The following DOK5 variants were observed in gnomAD, a reference collection of about 807,000 sequenced individuals.
DOK5 encodes docking protein 5.
Under a neutral mutation model 43.3 loss-of-function variants are expected in DOK5, and 27 were observed. That is an observed-to-expected ratio of 0.62 (90% CI 0.46 to 0.86). The LOEUF (loss-of-function observed/expected upper bound fraction) is 0.86, where lower values mean the gene tolerates loss of function less well. Ranked by LOEUF, DOK5 falls within the 40% of genes least tolerant of loss-of-function variation. The pLI is 0.00. For synonymous variants in DOK5, 146 were observed against 140.1 expected, an observed-to-expected ratio of 1.04 and a Z score of -0.30; for missense variants, 373 against 392.9, an observed-to-expected ratio of 0.95 and a Z score of 0.43.
chr20:54,620,491 T>C (rs1329650228), intron 6 of DOK5, among the ~76,000 whole-genome samples: 1 of 152,138 alleles, frequency 6.6e-6, no homozygotes, highest in East Asian at 1.9e-4. Flanking sequence ...TGCCAGCCTC[T>C]GCCTCCCAAA....
intron 6 of DOK5, among the ~76,000 whole-genome samples, chr20:54,616,136 A>G (rs911650543): frequency 6.6e-6 from 1 of 152,226 alleles, no homozygotes. Context: ...TCTGCTCTGT[A>G]ACAGACAATG....
At chr20:54,491,672 G>A (rs961870775) in intron 1 of DOK5, among the ~76,000 whole-genome samples, 1 of 152,180 alleles carries the variant, frequency 6.6e-6, no homozygotes, top group Non-Finnish European at 1.5e-5. Context: ...CTCTGCACAG[G>A]AAGGGTGACT....
chr20:54,505,967 A>T (rs1982789870), intron 1 of DOK5, among the ~76,000 whole-genome samples: 1 of 152,164 alleles, frequency 6.6e-6, no homozygotes, highest in African/African-American at 2.4e-5. Flanking sequence ...TCTTCATGGG[A>T]AGGAAGGCAC....
At chr20:54,604,131 A>T (rs970982594) in intron 5 of DOK5, among the ~76,000 whole-genome samples, 17 of 151,582 alleles carry the variant, frequency 1.1e-4, no homozygotes, top group Non-Finnish European at 2.1e-4. Context: ...CATTTTGAGT[A>T]GAGACGGGGT....
chr20:54,611,625 GA>G (rs749128461), intron 6 of DOK5, among the ~76,000 whole-genome samples: 9 of 152,250 alleles, frequency 5.9e-5, no homozygotes, highest in Non-Finnish European at 1.0e-4. Flanking sequence ...GTAAATTCAT[GA>G]AATCATAAAT....
At position 54,591,598 on chromosome 20, in the gene DOK5, C is replaced by T. The variant is rs770586654; in HGVS notation, c.410-18C>T. 1 of 1,545,586 alleles carries T rather than the reference C, an allele frequency of 6.5e-7. No individual in the cohort carries two copies. On this transcript the variant is annotated intron_variant, in intron 4 of 7. Coordinates refer to ENST00000262593, the MANE Select transcript of DOK5 (RefSeq NM_018431.5). ...TTATTCCTGGGGATTTTAGACTAAC[C>T]TTTTGTTTTTCTCCCAGAGAGATTC...
intron 6 of DOK5, 40 bp from the exon 7 acceptor site, chr20:54,643,418 C>T (rs772297128): frequency 1.2e-6 from 2 of 1,608,236 alleles, no homozygotes; most frequent in Non-Finnish European, 1.7e-6. Context: ...CTTTCGGCCC[C>T]AGTGTTGCTG....
At chr20:54,574,160 G>A (rs1600711427) in intron 2 of DOK5, among the ~76,000 whole-genome samples, 1 of 152,152 alleles carries the variant, frequency 6.6e-6, no homozygotes, top group African/African-American at 2.4e-5. Flanking sequence ...GCTGCCTGGG[G>A]AGGTTTTGAA....
intron 1 of DOK5, among the ~76,000 whole-genome samples, chr20:54,504,353 TA>T (rs1441248963): frequency 2.0e-5 from 3 of 152,152 alleles, no homozygotes; most frequent in African/African-American, 7.2e-5. Flanking sequence ...TAACTAAAAA[TA>T]AATACAATGA....
At chr20:54,479,538 C>G (rs890088272) in intron 1 of DOK5, among the ~76,000 whole-genome samples, 2 of 152,206 alleles carry the variant, frequency 1.3e-5, no homozygotes, top group Non-Finnish European at 2.9e-5. Flanking sequence ...ATTCTCACTT[C>G]GTTTCTTTCC....
intron 2 of DOK5, among the ~76,000 whole-genome samples, chr20:54,568,656 C>T (rs57406127): frequency 0.016 from 2,483 of 152,080 alleles, 58 homozygotes; most frequent in African/African-American, 0.057. Flanking sequence ...TCTGGCTGGG[C>T]GCAGTGGCTC....
intron 1 of DOK5, among the ~76,000 whole-genome samples, chr20:54,489,505 T>C (rs1056404480): frequency 6.6e-6 from 1 of 152,186 alleles, no homozygotes; most frequent in African/African-American, 2.4e-5. Flanking sequence ...TGATATATCA[T>C]AGTTTTGAAT....
intron 2 of DOK5, among the ~76,000 whole-genome samples, chr20:54,576,458 A>G (rs1283504703): frequency 2.0e-5 from 3 of 152,180 alleles, no homozygotes; most frequent in Non-Finnish European, 4.4e-5. Context: ...TTTTTAAAAG[A>G]AGGAATAATC....
At chr20:54,491,939 A>G (rs1982192767) in intron 1 of DOK5, among the ~76,000 whole-genome samples, 1 of 152,132 alleles carries the variant, frequency 6.6e-6, no homozygotes, top group South Asian at 2.1e-4. Flanking sequence ...AGAAAGAGAG[A>G]AAAAGAGAGA....
At chr20:54,494,473 T>G (rs1407846757) in intron 1 of DOK5, among the ~76,000 whole-genome samples, 1 of 152,322 alleles carries the variant, frequency 6.6e-6, no homozygotes, top group Non-Finnish European at 1.5e-5. Flanking sequence ...TCTTAATGAC[T>G]GAAGCATTCC....
At chr20:54,523,073 TG>T (rs1983467402) in intron 1 of DOK5, among the ~76,000 whole-genome samples, 1 of 152,144 alleles carries the variant, frequency 6.6e-6, no homozygotes, top group African/African-American at 2.4e-5. Context: ...GCTGAATGAA[TG>T]AATGATAGCT....
intron 7 of DOK5, among the ~76,000 whole-genome samples, chr20:54,645,990 C>T (rs1488625289): frequency 2.2e-5 from 3 of 133,790 alleles, no homozygotes; most frequent in East Asian, 2.2e-4. Context: ...GCTGAGCAAA[C>T]GACTGAATTA....
chr20:54,591,697 T>C lies in DOK5; in HGVS notation c.491T>C (p.Ile164Thr). 1 of 1,614,232 alleles carries C rather than the reference T, an allele frequency of 6.2e-7. No homozygotes were observed. Among genetic ancestry groups the C allele is most frequent in the Non-Finnish European group, 8.5e-7 (1 of 1,180,026 alleles). ...ECALQITYEY[I>T]CLWDVQNPRV... ...GCCTTGCAGATTACATATGAGTATA[T>C]CTGTCTTTGGGACGTCCAGAATCCC... Residue 164 changes from isoleucine to threonine, a missense_variant, in exon 5 of 8, where the codon ATC (isoleucine) becomes ACC (threonine). By Grantham distance (89) the Ile-to-Thr change is moderately conservative. Transcript: ENST00000262593.
intron 1 of DOK5, among the ~76,000 whole-genome samples, chr20:54,550,308 A>C (rs1007591997): frequency 6.6e-6 from 1 of 152,190 alleles, no homozygotes; most frequent in Non-Finnish European, 1.5e-5. Flanking sequence ...TAAACATTCT[A>C]TTTCAAGATA....
Sources: gnomAD v4.1 joint callset for allele counts (sites outside exome capture counted in the v4.1 genomes callset) on GRCh38, gnomAD v4.1.1 for gene constraint, MANE v1.5 for transcripts, NCBI Gene and HGNC (gene_info 2026-07-23, HGNC 2026-07-21) for gene names.